Variants in PDE1B observed in about 807,000 individuals in gnomAD.
PDE1B encodes phosphodiesterase 1B, also known as dual specificity calcium/calmodulin-dependent 3',5'-cyclic nucleotide phosphodiesterase 1B.
Under a neutral mutation model 66.7 loss-of-function variants are expected in PDE1B, and 13 were observed. That is an observed-to-expected ratio of 0.19 (90% CI 0.13 to 0.31). The LOEUF (loss-of-function observed/expected upper bound fraction) is 0.31, where lower values mean the gene tolerates loss of function less well. PDE1B is among the 10% of genes least tolerant of loss of function. The pLI is 1.00. For missense variants in PDE1B, 485 were observed against 682.3 expected, an observed-to-expected ratio of 0.71 and a Z score of 3.22; for synonymous variants, 230 against 253.9, an observed-to-expected ratio of 0.91 and a Z score of 0.90.
chr12:54,550,857 T>C (rs562556815), intron 2 of PDE1B, among the ~76,000 whole-genome samples: 6 of 152,176 alleles, frequency 3.9e-5, no homozygotes, highest in Admixed American at 1.3e-4. Context: ...AAGGAACTTT[T>C]CCCCTGCTCC....
chr12:54,562,743 T>G (rs2669406), intron 2 of PDE1B, among the ~76,000 whole-genome samples: 58,933 of 151,974 alleles, frequency 0.39, 12,682 homozygotes, highest in African/African-American at 0.59. Context: ...CTTCAGGAGG[T>G]TGCAGTTCAG....
rs1592386282 is a variant in PDE1B at position 54,573,966 on chromosome 12, T to C, written c.1064+257T>C. 2.0e-6 allele frequency: 1 copy of C among 498,914 alleles called. No individual in the cohort carries two copies. The highest frequency in any genetic ancestry group is 3.5e-5 in the East Asian group (1 of 28,632). The allele number at this position is 498,914 out of a possible 1,614,324, so 30.9% of individuals were successfully genotyped here. On this transcript the variant is annotated intron_variant, in intron 10 of 15. Transcript: ENST00000243052. The surrounding 1 kb of genome is among the most constrained non-coding windows in gnomAD (Gnocchi z 5.2). ...TGATCCACTGGAGAGTGCTTTGGGCTGGGAATCTAAGATGGGGGTTCTCAT... is the reference window on the plus strand; with the variant it reads ...TGATCCACTGGAGAGTGCTTTGGGCCGGGAATCTAAGATGGGGGTTCTCAT...
intron 6 of PDE1B, 173 bp from the exon 7 acceptor site, chr12:54,572,428 T>C: frequency 1.5e-6 from 1 of 666,528 alleles, no homozygotes. Flanking sequence ...TTACCCAAGG[T>C]TGCACAGCCA....
intron 3 of PDE1B, among the ~76,000 whole-genome samples, chr12:54,568,567 G>C (rs192539067): frequency 1.3e-5 from 2 of 151,366 alleles, no homozygotes; most frequent in African/African-American, 4.9e-5. Context: ...ATTTATTGCC[G>C]GGCACGGTGG....
chr12:54,551,948 C>T (rs1425110774), intron 2 of PDE1B, among the ~76,000 whole-genome samples: 3 of 152,190 alleles, frequency 2.0e-5, no homozygotes, highest in Non-Finnish European at 2.9e-5. Context: ...CTTAAGAATG[C>T]TAGCTTTGTA....
chr12:54,567,570 A>C (rs1055239428), intron 3 of PDE1B, among the ~76,000 whole-genome samples: 1 of 151,992 alleles, frequency 6.6e-6, no homozygotes, highest in Non-Finnish European at 1.5e-5. Flanking sequence ...AGGGAGAAAT[A>C]GTGGTAAGAG....
chr12:54,552,471 C>T (rs928031749), intron 2 of PDE1B, among the ~76,000 whole-genome samples: 3 of 152,062 alleles, frequency 2.0e-5, no homozygotes, highest in African/African-American at 7.2e-5. Flanking sequence ...ACATCCTATT[C>T]CCCCCCTTCT....
chr12:54,559,649 G>A (rs1379999945), intron 2 of PDE1B, among the ~76,000 whole-genome samples: 1 of 152,174 alleles, frequency 6.6e-6, no homozygotes, highest in African/African-American at 2.4e-5. Flanking sequence ...GCAGCCATTC[G>A]TCCAACCAGC....
chr12:54,570,640 T>C, intron 6 of PDE1B: 1 of 372,958 alleles, frequency 2.7e-6, no homozygotes, highest in South Asian at 3.1e-5. Context: ...TTGTCCTCTC[T>C]AGGCTGACTT....
chr12:54,559,569 TA>T (rs1957380585), intron 2 of PDE1B, among the ~76,000 whole-genome samples: 1 of 151,970 alleles, frequency 6.6e-6, no homozygotes, highest in Admixed American at 6.6e-5. Context: ...CCCTCCTTAT[TA>T]GGAAGAGTAA....
chr12:54,579,204 G>A lies in PDE1B; in HGVS notation c.*1362G>A, dbSNP rs1957824453. On this transcript the variant is annotated 3_prime_UTR_variant, in exon 16 of 16. Coordinates refer to ENST00000243052, the MANE Select transcript of PDE1B (RefSeq NM_000924.4). Reference sequence around the variant, plus strand: ...CCTGCCCTTGGTTTCCCAGACCCCTGCTATAGCCAGAGAACAATAAAGAAG... The same window carrying A: ...CCTGCCCTTGGTTTCCCAGACCCCTACTATAGCCAGAGAACAATAAAGAAG... The A allele has an allele frequency of 2.0e-6, 2 of 977,050 alleles. No individual in the cohort carries two copies. Among genetic ancestry groups the A allele is most frequent in the Admixed American group, 6.2e-5 (1 of 16,218 alleles). 60.5% of individuals were successfully genotyped at this position (977,050 alleles called of 1,614,324 possible).
rs1234270481 is a variant in PDE1B at position 54,570,337 on chromosome 12, A to G, written c.574A>G (p.Asn192Asp). 17 of 1,609,318 alleles carry G rather than the reference A, an allele frequency of 1.1e-5. No homozygotes were observed. Among genetic ancestry groups the G allele is most frequent in the Non-Finnish European group, 1.4e-5 (17 of 1,175,704 alleles). ...TIVFELLTRH[N>D]LISRFKIPTV... ...TGTTTTTGAGTTGCTGACTCGGCAT[A>G]ACCTCATCAGCCGCTTCAAGGTTGG... The change falls in exon 6 of 16, where the codon AAC becomes GAC. Residue 192 changes from asparagine to aspartate, a missense_variant. This residue lies in a region of PDE1B where 282 missense variants were observed against 453.4 expected (regional missense o/e 0.62). Transcript: ENST00000243052.
At chr12:54,576,419 AG>A in intron 13 of PDE1B, 151 bp from the exon 14 acceptor site, 1 of 809,364 alleles carries the variant, frequency 1.2e-6, no homozygotes, top group Non-Finnish European at 1.9e-6. Context: ...GGAGAGGGAC[AG>A]GGACTTGGGG....
chr12:54,559,856 T>A (rs542407186), intron 2 of PDE1B, among the ~76,000 whole-genome samples: 1 of 152,304 alleles, frequency 6.6e-6, no homozygotes, highest in East Asian at 1.9e-4. Flanking sequence ...TGTTTCAGGC[T>A]GTGTGCTGCC....
intron 6 of PDE1B, 51 bp downstream of exon 6, chr12:54,570,408 A>G: frequency 1.0e-6 from 1 of 1,004,232 alleles, no homozygotes; most frequent in East Asian, 2.4e-5. Flanking sequence ...CACTCCTCTC[A>G]TGCCTGTTCT....
rs1180451434 is a variant in PDE1B, at chr12:54,558,785, G to A, written c.114-8189G>A. Reference sequence around the variant, plus strand: ...GGAAAGTCAGGGGTCCTGGCTGTAAGAGTGGGCATATGGGACTTTGTTTAT... The same window carrying A: ...GGAAAGTCAGGGGTCCTGGCTGTAAAAGTGGGCATATGGGACTTTGTTTAT... On this transcript the variant is annotated intron_variant, in intron 2 of 15. Coordinates refer to ENST00000243052, the MANE Select transcript of PDE1B (RefSeq NM_000924.4). Among the ~76,000 whole-genome samples the A allele has an allele frequency of 2.0e-5, 3 of 152,244 alleles. No homozygotes were observed. The East Asian group carries it at 5.8e-4, about 29-fold the overall frequency.
rs1170688814 is a variant in PDE1B, at chr12:54,575,977, GC to G, written c.1268-14del. Reference sequence around the variant, plus strand: ...AATAGTAAGACATCTCTACGGCATTGCTCCTCCACTGCAGGGTTCATCGACT... The same window carrying G: ...AATAGTAAGACATCTCTACGGCATTGTCCTCCACTGCAGGGTTCATCGACT... On this transcript the variant is annotated splice_polypyrimidine_tract_variant and intron_variant, in intron 12 of 15. Coordinates refer to ENST00000243052, the MANE Select transcript of PDE1B (RefSeq NM_000924.4). The surrounding 1 kb of genome is among the most constrained non-coding windows in gnomAD (Gnocchi z 4.0). 1 of 1,557,354 alleles carries G rather than the reference GC, an allele frequency of 6.4e-7. No individual in the cohort carries two copies. Among genetic ancestry groups the G allele is most frequent in the East Asian group, 2.2e-5 (1 of 44,578 alleles).
At chr12:54,555,060 C>T (rs1169400828) in intron 2 of PDE1B, among the ~76,000 whole-genome samples, 1 of 152,006 alleles carries the variant, frequency 6.6e-6, no homozygotes, top group African/African-American at 2.4e-5. Context: ...ACTTAGAGAC[C>T]AGAAGGATAG....
intron 2 of PDE1B, among the ~76,000 whole-genome samples, chr12:54,559,255 C>CCACCCCCACCCCTTTACCCACAT (rs1957376682): frequency 7.4e-6 from 1 of 134,488 alleles, no homozygotes; most frequent in Non-Finnish European, 1.6e-5. Context: ...TTTACCCCCA[C>CCACCCCCACCCCTTTACCCACAT]CCACCCCCAC....
Sources: gnomAD v4.1 joint callset for allele counts (sites outside exome capture counted in the v4.1 genomes callset) on GRCh38, gnomAD v4.1.1 for gene constraint, gnomAD v4.1.1 regional missense constraint, Gnocchi (gnomAD v3.1) non-coding constraint, MANE v1.5 for transcripts, NCBI Gene and HGNC (gene_info 2026-07-23, HGNC 2026-07-21) for gene names.